The following NAA25 variants were observed in gnomAD, a reference collection of about 807,000 sequenced individuals.
NAA25 encodes N-alpha-acetyltransferase 25, NatB auxiliary subunit, also known as N-terminal acetyltransferase B complex subunit NAA25.
In NAA25, 30 loss-of-function variants were observed where a neutral mutation model predicts 132.5. The observed-to-expected ratio is 0.23, with a 90% CI of 0.17 to 0.31. NAA25 has a LOEUF of 0.31. Ranked by LOEUF, NAA25 falls within the 10% of genes least tolerant of loss-of-function variation. The probability of loss-of-function intolerance (pLI) is 1.00; values close to 1 mark genes in which losing one functional copy is unlikely to be tolerated. For missense variants in NAA25, 771 were observed against 1,150.4 expected, an observed-to-expected ratio of 0.67 and a Z score of 4.77; for synonymous variants, 359 against 401.9, an observed-to-expected ratio of 0.89 and a Z score of 1.28.
chr12:112,058,410 G>A (rs1480988915), intron 13 of NAA25, among the ~76,000 whole-genome samples: 1 of 152,234 alleles, frequency 6.6e-6, no homozygotes, highest in Non-Finnish European at 1.5e-5. Flanking sequence ...TGTGGGCACA[G>A]GCCAGATTAT....
At chr12:112,104,922 GCAGAGAA>G (rs1173905552) in intron 1 of NAA25, among the ~76,000 whole-genome samples, 3 of 152,066 alleles carry the variant, frequency 2.0e-5, no homozygotes, top group African/African-American at 7.2e-5. Context: ...GGAGGCTGAG[GCAGAGAA>G]CTGTTTGAAC....
intron 10 of NAA25, among the ~76,000 whole-genome samples, chr12:112,069,819 C>CA (rs550921585): frequency 0.024 from 2,909 of 121,562 alleles, 57 homozygotes; most frequent in African/African-American, 0.057. Flanking sequence ...GACTCCATCT[C>CA]AAAAAAAAAA....
At chr12:112,036,840 CAAA>C (rs1160066916) in intron 22 of NAA25, among the ~76,000 whole-genome samples, 6 of 95,438 alleles carry the variant, frequency 6.3e-5, no homozygotes, top group Non-Finnish European at 4.4e-5. Flanking sequence ...GACTCCATCT[CAAA>C]AAAAAAAAAA....
At chr12:112,088,199 AT>A (rs1488261704) in intron 3 of NAA25, among the ~76,000 whole-genome samples, 1 of 152,030 alleles carries the variant, frequency 6.6e-6, no homozygotes, top group Non-Finnish European at 1.5e-5. Context: ...CCAAGACCCA[AT>A]TCAAATGTAA....
At chr12:112,077,472 CAA>C (rs566503271) in intron 7 of NAA25, among the ~76,000 whole-genome samples, 3 of 133,626 alleles carry the variant, frequency 2.2e-5, no homozygotes, top group African/African-American at 2.7e-5. Flanking sequence ...ACTCTGTCTC[CAA>C]AAAAAAAAAG....
Position 112,090,726 on chromosome 12 carries a change from G to A in NAA25, c.283C>T (p.Pro95Ser), listed in dbSNP as rs778693597. The change falls in exon 3 of 24, where the codon CCG becomes TCG. Residue 95 changes from proline to serine, a missense_variant and splice_region_variant. This residue lies in a region of NAA25 where 417 missense variants were observed against 733.8 expected (regional missense o/e 0.57). Coordinates refer to ENST00000261745, the MANE Select transcript of NAA25 (RefSeq NM_024953.4). ...AAACAATGAAAAGAAAGAAACATAC[G>A]TCGGTGCATCTCCCGGTAAAGGATA... is the stretch of plus-strand genomic sequence containing the variant. ...LTILYREMHR[P>S]ELVTKLYEAA... 6.2e-6 allele frequency: 10 copies of A among 1,605,916 alleles called. No individual in the cohort carries two copies. The highest frequency in any genetic ancestry group is 1.7e-4 in the Middle Eastern group (1 of 6,038).
At chr12:112,093,030 C>A in intron 2 of NAA25, 21 bp downstream of exon 2, 1 of 1,562,088 alleles carries the variant, frequency 6.4e-7, no homozygotes, top group Non-Finnish European at 8.8e-7. Context: ...AGGTAAGTAA[C>A]TGAAGGGCAA....
At chr12:112,029,935 A>T (rs2078127033) in intron 23 of NAA25, among the ~76,000 whole-genome samples, 1 of 152,206 alleles carries the variant, frequency 6.6e-6, no homozygotes, top group African/African-American at 2.4e-5. Flanking sequence ...AAACTGGGCC[A>T]GGCACGGTGG....
At chr12:112,079,414 C>T (rs1388558712) in intron 5 of NAA25, among the ~76,000 whole-genome samples, 1 of 151,992 alleles carries the variant, frequency 6.6e-6, no homozygotes, top group South Asian at 2.1e-4. Flanking sequence ...GCAAAACCCC[C>T]GTCTCTACTG....
At chr12:112,036,896 C>T (rs1369576011) in intron 22 of NAA25, among the ~76,000 whole-genome samples, 22 of 151,032 alleles carry the variant, frequency 1.5e-4, no homozygotes, top group African/African-American at 1.7e-4. Flanking sequence ...TGTGTGTGCA[C>T]GCGCGTGTGC....
At position 112,043,303 on chromosome 12, in the gene NAA25, C is replaced by T; in HGVS notation, c.2251-92G>A. On this transcript the variant is annotated intron_variant, in intron 18 of 23. Transcript: ENST00000261745. The stretch of plus-strand genomic sequence containing the variant: ...AGGTAACTAGTAGATAAAAACCTGT[C>T]TCAGCGGTTCAGCTAAAAGCCACTA... The T allele has an allele frequency of 3.7e-6, 5 of 1,354,972 alleles. No individual in the cohort carries two copies. In the South Asian group the frequency reaches 8.1e-5, roughly 22 times the overall value. 83.9% of individuals were successfully genotyped at this position (1,354,972 alleles called of 1,614,324 possible).
At chr12:112,036,363 G>A (rs2078223941) in intron 22 of NAA25, among the ~76,000 whole-genome samples, 1 of 152,154 alleles carries the variant, frequency 6.6e-6, no homozygotes, top group Admixed American at 6.6e-5. Context: ...ACTAGTAGTG[G>A]AACTGACGTA....
chr12:112,100,712 C>G (rs1003032380), intron 1 of NAA25, among the ~76,000 whole-genome samples: 1 of 151,356 alleles, frequency 6.6e-6, no homozygotes, highest in East Asian at 2.0e-4. Flanking sequence ...CTCCGCCTCC[C>G]GGGCTCACGC....
chr12:112,041,028 A>G (rs965481738), intron 20 of NAA25, among the ~76,000 whole-genome samples: 2 of 152,050 alleles, frequency 1.3e-5, no homozygotes, highest in Admixed American at 6.6e-5. Context: ...ATAAAATATA[A>G]GACCGAGCCA....
intron 19 of NAA25, among the ~76,000 whole-genome samples, chr12:112,042,514 T>A (rs1021185063): frequency 7.2e-5 from 11 of 151,844 alleles, no homozygotes; most frequent in South Asian, 4.1e-4. Flanking sequence ...TTTTTATTTT[T>A]TTTTTTTTTT....
At chr12:112,060,226 A>G in intron 13 of NAA25, 44 bp downstream of exon 13, 1 of 1,354,732 alleles carries the variant, frequency 7.4e-7, no homozygotes. Flanking sequence ...CTTATAATCA[A>G]TAAAAGCAAA....
intron 4 of NAA25, 124 bp downstream of exon 4, chr12:112,087,559 A>G: frequency 1.5e-6 from 1 of 656,494 alleles, no homozygotes; most frequent in South Asian, 2.1e-5. Context: ...ACTGACCTCC[A>G]CACAGAAAAA....
At chr12:112,100,670 A>G (rs547740852) in intron 1 of NAA25, among the ~76,000 whole-genome samples, 3 of 121,780 alleles carry the variant, frequency 2.5e-5, no homozygotes, top group African/African-American at 9.8e-5. Flanking sequence ...CCCAGGCTGG[A>G]GTGCAGTGGC....
rs1256468386 is a variant in NAA25, at chr12:112,087,754, T to C, written c.331A>G (p.Asn111Asp). 4 of 1,614,056 alleles carry C rather than the reference T, an allele frequency of 2.5e-6. No homozygotes were observed. Among genetic ancestry groups the C allele is most frequent in the Non-Finnish European group, 3.4e-6 (4 of 1,180,006 alleles). The change falls in exon 4 of 24, where the codon AAT becomes GAT. Residue 111 changes from asparagine (N) to aspartate (D), a missense_variant. Physicochemically the swap from Asn to Asp is conservative, Grantham distance 23 (BLOSUM62 1). This residue lies in a region of NAA25 where 417 missense variants were observed against 733.8 expected (regional missense o/e 0.57). Transcript: ENST00000261745. Reference sequence around the variant, plus strand: ...AGGTGAGAGTGATACTCCTCACTATTGGGAACTTTCTTCACAGCTGCCTCA... The same window carrying C: ...AGGTGAGAGTGATACTCCTCACTATCGGGAACTTTCTTCACAGCTGCCTCA... ...LYEAAVKKVPNSEEYHSHLFM... is the reference protein window; with the variant it reads ...LYEAAVKKVPDSEEYHSHLFM...
Sources: allele counts gnomAD v4.1 joint callset (sites outside exome capture counted in the v4.1 genomes callset), GRCh38; gene constraint gnomAD v4.1.1; regional missense constraint gnomAD v4.1.1; transcripts MANE v1.5; gene names NCBI Gene and HGNC (gene_info 2026-07-23, HGNC 2026-07-21).